RPSA2: variants seen among roughly 807,000 people sequenced by gnomAD.
RPSA2 encodes small ribosomal subunit protein uS2B.
chr19:23,810,316 C>T, the RPSA2 span, among the ~76,000 whole-genome samples: 1 of 145,092 alleles, frequency 6.9e-6, no homozygotes, highest in Non-Finnish European at 1.5e-5. Flanking sequence ...ATGGCGTGAA[C>T]CTGGGAGGCA....
chr19:23,781,283 ACT>A, the RPSA2 span, among the ~76,000 whole-genome samples: 2 of 151,384 alleles, frequency 1.3e-5, no homozygotes, highest in African/African-American at 4.9e-5. Flanking sequence ...CGGGTTAGTG[ACT>A]CTGTAACCAA....
chr19:23,828,719 T>C, the RPSA2 span, among the ~76,000 whole-genome samples: 1 of 151,900 alleles, frequency 6.6e-6, no homozygotes, highest in African/African-American at 2.4e-5. Context: ...GAAGGGTGTG[T>C]ATTCTGATGT....
At chr19:23,798,003 C>T in the RPSA2 span, among the ~76,000 whole-genome samples, 1 of 151,396 alleles carries the variant, frequency 6.6e-6, no homozygotes, top group African/African-American at 2.4e-5. Context: ...ATTTTTATCT[C>T]CTTTTTTTGA....
chr19:23,773,532 T>G, the RPSA2 span, among the ~76,000 whole-genome samples: 4 of 152,154 alleles, frequency 2.6e-5, no homozygotes, highest in Non-Finnish European at 5.9e-5. Flanking sequence ...TCTGCCCGCC[T>G]CAGTCTCCCA....
the RPSA2 span, among the ~76,000 whole-genome samples, chr19:23,847,047 T>C: frequency 1.3e-5 from 2 of 152,168 alleles, no homozygotes; most frequent in Admixed American, 1.3e-4. Context: ...CTTTGTTCAT[T>C]CTTTTTCATT....
chr19:23,832,973 A>T, the RPSA2 span: 11 of 1,473,784 alleles, frequency 7.5e-6, no homozygotes, highest in Admixed American at 1.9e-5. Flanking sequence ...AAACCCTACA[A>T]GTGTGAAGAA....
At chr19:23,816,598 GCA>G in the RPSA2 span, among the ~76,000 whole-genome samples, 44 of 151,788 alleles carry the variant, frequency 2.9e-4, no homozygotes, top group East Asian at 7.2e-3. Context: ...ATTTTGTTTT[GCA>G]CAGTTTCTTT....
chr19:23,800,294 G>C, the RPSA2 span, among the ~76,000 whole-genome samples: 2 of 151,836 alleles, frequency 1.3e-5, no homozygotes, highest in African/African-American at 4.8e-5. Context: ...GACCCGCCTT[G>C]GCCTCCCAAA....
the RPSA2 span, among the ~76,000 whole-genome samples, chr19:23,786,918 G>A: frequency 1.3e-5 from 2 of 151,802 alleles, no homozygotes; most frequent in Non-Finnish European, 1.5e-5. Flanking sequence ...TCTTCTGCTT[G>A]CACCCTGCCT....
chr19:23,801,335 G>GT, the RPSA2 span, among the ~76,000 whole-genome samples: 148,801 of 152,120 alleles, frequency 0.98, 72,869 homozygotes, highest in Middle Eastern at 1. Flanking sequence ...TTCCTCCCAG[G>GT]TCAAGCTATT....
chr19:23,862,283 A>G, the RPSA2 span, among the ~76,000 whole-genome samples: 1 of 151,760 alleles, frequency 6.6e-6, no homozygotes, highest in Non-Finnish European at 1.5e-5. Context: ...TTGGGCTGAG[A>G]CAATGGGGTT....
the RPSA2 span, among the ~76,000 whole-genome samples, chr19:23,829,446 C>T: frequency 2.6e-5 from 4 of 152,164 alleles, no homozygotes; most frequent in African/African-American, 4.8e-5. Flanking sequence ...AGATTACAGG[C>T]AGGTGCCACC....
At chr19:23,856,673 A>G in the RPSA2 span, among the ~76,000 whole-genome samples, 3 of 152,072 alleles carry the variant, frequency 2.0e-5, no homozygotes, top group Admixed American at 6.6e-5. Flanking sequence ...TCTATTTTCC[A>G]TAATTGTCGG....
the RPSA2 span, chr19:23,827,159 A>C: frequency 1.2e-6 from 1 of 853,570 alleles, no homozygotes; most frequent in African/African-American, 1.7e-5. Context: ...GGAAACTTTC[A>C]CAATGTCCGG....
At chr19:23,845,273 AT>A in the RPSA2 span, among the ~76,000 whole-genome samples, 4 of 143,220 alleles carry the variant, frequency 2.8e-5, no homozygotes, top group Non-Finnish European at 4.6e-5. Context: ...GTTCTGATTT[AT>A]GTTTTTTTTT....
At chr19:23,844,410 A>T in the RPSA2 span, among the ~76,000 whole-genome samples, 1 of 152,056 alleles carries the variant, frequency 6.6e-6, no homozygotes, top group South Asian at 2.1e-4. Context: ...CCCAATGGTG[A>T]AATTTCTGAA....
At chr19:23,843,535 T>C in the RPSA2 span, among the ~76,000 whole-genome samples, 1 of 152,208 alleles carries the variant, frequency 6.6e-6, no homozygotes, top group Admixed American at 6.5e-5. Context: ...GCTTATAAGG[T>C]ACTGCATGAT....
the RPSA2 span, among the ~76,000 whole-genome samples, chr19:23,791,292 G>T: frequency 6.6e-6 from 1 of 152,112 alleles, no homozygotes; most frequent in Non-Finnish European, 1.5e-5. Flanking sequence ...GAGTCACTGC[G>T]CCAGCCCTAG....
chr19:23,811,289 T>C, the RPSA2 span, among the ~76,000 whole-genome samples: 1 of 152,174 alleles, frequency 6.6e-6, no homozygotes, highest in Admixed American at 6.5e-5. Flanking sequence ...ATTGTTGGGA[T>C]TACAGGTGTA....
Sources: allele counts gnomAD v4.1 joint callset (sites outside exome capture counted in the v4.1 genomes callset), GRCh38; gene constraint gnomAD v4.1.1; transcripts MANE v1.5; gene names NCBI Gene and HGNC (gene_info 2026-07-23, HGNC 2026-07-21).